Variants in OSBPL5 observed in about 807,000 individuals in gnomAD.
The protein encoded by OSBPL5 is oxysterol-binding protein-related protein 5.
OSBPL5 carries 71 observed loss-of-function variants against 111.2 expected under a neutral mutation model. The ratio of observed to expected loss-of-function variants is 0.64; its 90% CI spans 0.53 to 0.78. The LOEUF (loss-of-function observed/expected upper bound fraction) is 0.78. OSBPL5 is among the 30% of genes least tolerant of loss of function. The pLI, the probability that OSBPL5 is intolerant of heterozygous loss-of-function variation, is 0.00. For synonymous variants in OSBPL5, 549 were observed against 513.9 expected (o/e 1.07, Z -0.93); for missense variants, 1,210 against 1,189.3 (o/e 1.02, Z -0.26).
At chr11:3,101,771 C>T (rs7121251) in intron 12 of OSBPL5, 72 bp from the exon 13 acceptor site, 182,592 of 1,269,938 alleles carry the variant, frequency 0.14, 14,577 homozygotes, top group African/African-American at 0.29. Context: ...GCCCAGCTTC[C>T]CCCAAAAAAC....
At position 3,103,711 on chromosome 11, in the gene OSBPL5, C is replaced by T. The variant is rs1194184368; in HGVS notation, c.1245-391G>A. On this transcript the variant is annotated intron_variant, in intron 10 of 21. Coordinates refer to ENST00000263650, the MANE Select transcript of OSBPL5 (RefSeq NM_020896.4). ...AGCCCCCTTCCAGCCTGCGTACCCCCTTCCAGGCTCTGCTGCCCCTTCCTG... is the reference window on the plus strand; with the variant it reads ...AGCCCCCTTCCAGCCTGCGTACCCCTTTCCAGGCTCTGCTGCCCCTTCCTG... Among the ~76,000 whole-genome samples, 4 of 136,618 alleles carry T rather than the reference C, an allele frequency of 2.9e-5. 1 individual carries two copies. Among genetic ancestry groups the T allele is most frequent in the Admixed American group, 1.5e-4 (2 of 13,770 alleles). 89.6% of individuals were successfully genotyped at this position (136,618 alleles called of 152,430 possible).
At chr11:3,103,434 G>A in intron 10 of OSBPL5, 114 bp from the exon 11 acceptor site, 5 of 919,090 alleles carry the variant, frequency 5.4e-6, no homozygotes, top group Non-Finnish European at 8.2e-6. Context: ...CTGGAAACAG[G>A]CCACTTGGCC....
chr11:3,107,856 G>T lies in OSBPL5; in HGVS notation c.781C>A (p.Pro261Thr), dbSNP rs1327914472. 3.7e-6 allele frequency: 6 copies of T among 1,610,540 alleles called. No homozygotes were observed. The highest frequency in any genetic ancestry group is 4.2e-6 in the Non-Finnish European group (5 of 1,179,928). The change falls in exon 8 of 22, where the codon CCA becomes ACA. Residue 261 changes from proline to threonine, a missense_variant. Transcript: ENST00000263650. The surrounding 1 kb of genome is among the most constrained non-coding windows in gnomAD (Gnocchi z 6.1). ...GGTGATGCGTCTGGCGAGGTCCCTG[G>T]CTCCCCGTCTCGGCCCGGCTTGCAG... ...GTCKPGRDGE[P>T]GTSPDASPSS...
At chr11:3,129,325 G>A in intron 1 of OSBPL5, 156 bp from the exon 2 acceptor site, 1 of 648,410 alleles carries the variant, frequency 1.5e-6, no homozygotes, top group South Asian at 3.3e-5. Flanking sequence ...GGTGGTGGGT[G>A]GTCAGCCAGG....
At chr11:3,101,953 T>C (rs1310062742) in intron 12 of OSBPL5, among the ~76,000 whole-genome samples, 1 of 152,146 alleles carries the variant, frequency 6.6e-6, no homozygotes, top group Non-Finnish European at 1.5e-5. Flanking sequence ...GTCCTCTCCC[T>C]AGGGAGACAC....
At position 3,165,017 on chromosome 11, in the gene OSBPL5, G is replaced by T. The variant is rs1448399163; in HGVS notation, c.-22+199C>A. 6.7e-6 allele frequency among the ~76,000 whole-genome samples: 1 copy of T among 150,310 alleles called. No individual in the cohort carries two copies. Among genetic ancestry groups the T allele is most frequent in the African/African-American group, 2.4e-5 (1 of 40,934 alleles). On this transcript the variant is annotated intron_variant, in intron 1 of 21. Coordinates refer to ENST00000263650, the MANE Select transcript of OSBPL5 (RefSeq NM_020896.4). The surrounding 1 kb of genome is among the most constrained non-coding windows in gnomAD (Gnocchi z 7.4). ...CCCGCGCTCCCCAGCTCCCCAGCGC[G>T]CGACCGGCCCCGCGGCGTGGTTCCC...
Position 3,092,292 on chromosome 11 carries a change from A to G in OSBPL5, c.2259+140T>C, listed in dbSNP as rs1857086498. 4.1e-6 allele frequency: 5 copies of G among 1,211,944 alleles called. No individual in the cohort carries two copies. The highest frequency in any genetic ancestry group is 5.5e-6 in the Non-Finnish European group (5 of 903,288). 75.1% of individuals were successfully genotyped at this position (1,211,944 alleles called of 1,614,324 possible). ...GAGTCCCATGCTCGGCAGAGAAGGA[A>G]AGGGGACGAGGGGGCTGGGGGATGA... On this transcript the variant is annotated intron_variant, in intron 19 of 21. Transcript: ENST00000263650. The surrounding 1 kb of genome is among the most constrained non-coding windows in gnomAD (Gnocchi z 5.4).
At position 3,088,277 on chromosome 11, in the gene OSBPL5, C is replaced by CT; in HGVS notation, c.2567dup (p.Ser857GlufsTer19). The CT allele has an allele frequency of 6.2e-7, 1 of 1,608,830 alleles. No homozygotes were observed. The highest frequency in any genetic ancestry group is 8.5e-7 in the Non-Finnish European group (1 of 1,177,840). ...AGAGCAGGAACCAGGATCGGGGGCT[C>CT]TGCAGGAGGCCTGGGGTCGGTGCCT... On this transcript the variant is annotated frameshift_variant, in exon 22 of 22. Coordinates refer to ENST00000263650, the MANE Select transcript of OSBPL5 (RefSeq NM_020896.4). LOFTEE classifies it high-confidence loss of function.
Position 3,128,881 on chromosome 11 carries a change from A to G in OSBPL5, c.136+132T>C, listed in dbSNP as rs545932930. On this transcript the variant is annotated intron_variant, in intron 2 of 21. Transcript: ENST00000263650. ...ACTCTACCAAGCTACAAACCGTTTG[A>G]TCATGAAACCCACACAGTCCCCAGC... is the stretch of plus-strand genomic sequence containing the variant. 1.8e-3 allele frequency: 1,593 copies of G among 876,948 alleles called. 2 individuals are homozygous for G. Among genetic ancestry groups the G allele is most frequent in the Non-Finnish European group, 2.2e-3 (1,392 of 646,386 alleles). 54.3% of individuals were successfully genotyped at this position (876,948 alleles called of 1,614,324 possible). A position where few individuals can be genotyped will look rare whatever the true frequency, so the allele number is the denominator to read the frequency against.
chr11:3,156,732 G>A (rs1021554003), intron 1 of OSBPL5, among the ~76,000 whole-genome samples: 2 of 152,232 alleles, frequency 1.3e-5, no homozygotes, highest in African/African-American at 4.8e-5. Context: ...CGATATAGGC[G>A]TGATAGGAGG....
rs1297142565 is a variant in OSBPL5 at position 3,161,939 on chromosome 11, G to A, written c.-22+3277C>T. ...AAAGGCCCTGGAGTAAGAAGCCGGG[G>A]CTGACGCCAGACCCCTGTGAGCAAG... On this transcript the variant is annotated intron_variant, in intron 1 of 21. Transcript: ENST00000263650. The surrounding 1 kb of genome is among the most constrained non-coding windows in gnomAD (Gnocchi z 8.0). 6.6e-6 allele frequency among the ~76,000 whole-genome samples: 1 copy of A among 151,756 alleles called. No homozygotes were observed. Among genetic ancestry groups the A allele is most frequent in the Non-Finnish European group, 1.5e-5 (1 of 67,944 alleles).
rs187582201 is a variant in OSBPL5, at chr11:3,090,736, C to T, written c.2260-40G>A. 595 of 1,573,824 alleles carry T rather than the reference C, an allele frequency of 3.8e-4. 4 individuals carry two copies. The African/African-American group carries it at 6.2e-3, about 16-fold the overall frequency. On this transcript the variant is annotated intron_variant, in intron 19 of 21. Transcript: ENST00000263650. The stretch of plus-strand genomic sequence containing the variant: ...AGCTGCTGCAGCTGAAAGCCACCCA[C>T]GCCCCCTGCCCAGGCCCCAGGGACA...
chr11:3,102,363 G>T, intron 11 of OSBPL5, 82 bp from the exon 12 acceptor site: 1 of 1,334,672 alleles, frequency 7.5e-7, no homozygotes, highest in Non-Finnish European at 1.1e-6. Context: ...GTGGACGGAG[G>T]GGCAGCGTGG....
chr11:3,087,107 T>C lies in OSBPL5; in HGVS notation c.*1098A>G, dbSNP rs983897368. On this transcript the variant is annotated 3_prime_UTR_variant, in exon 22 of 22. Coordinates refer to ENST00000263650, the MANE Select transcript of OSBPL5 (RefSeq NM_020896.4). ...GAAGCCCTCCTCTCGTTTCCAGAAG[T>C]CCCGCAAGAAGAGAACACGTATGTG... 1 of 152,240 alleles carries C rather than the reference T, an allele frequency of 6.6e-6. No individual in the cohort carries two copies. The highest frequency in any genetic ancestry group is 1.5e-5 in the Non-Finnish European group (1 of 68,084). 9.4% of individuals were successfully genotyped at this position (152,240 alleles called of 1,614,324 possible). A position where few individuals can be genotyped will look rare whatever the true frequency, so the allele number is the denominator to read the frequency against.
At chr11:3,102,118 G>A in intron 12 of OSBPL5, 65 bp downstream of exon 12, 19 of 1,156,630 alleles carry the variant, frequency 1.6e-5, no homozygotes, top group Admixed American at 8.3e-5. Context: ...CCAGGGCCCC[G>A]CCCCCACAGA....
chr11:3,151,986 T>G (rs1243518866), intron 1 of OSBPL5, among the ~76,000 whole-genome samples: 1 of 152,258 alleles, frequency 6.6e-6, no homozygotes, highest in East Asian at 1.9e-4. Context: ...CACCGAGGCT[T>G]CTGGTGACAC....
chr11:3,122,734 A>T (rs1488330004), intron 3 of OSBPL5, among the ~76,000 whole-genome samples: 1 of 152,192 alleles, frequency 6.6e-6, no homozygotes, highest in African/African-American at 2.4e-5. Flanking sequence ...ATGTGGGGAC[A>T]TCAGGGTTCA....
At chr11:3,091,322 G>A (rs1440514332) in intron 19 of OSBPL5, among the ~76,000 whole-genome samples, 1 of 152,252 alleles carries the variant, frequency 6.6e-6, no homozygotes, top group African/African-American at 2.4e-5. Context: ...GGCGTTTGGG[G>A]CCAGAGAGGT....
chr11:3,151,122 C>T (rs1052866596), intron 1 of OSBPL5, among the ~76,000 whole-genome samples: 59 of 152,184 alleles, frequency 3.9e-4, no homozygotes, highest in African/African-American at 1.4e-3. Flanking sequence ...AAGACAGAGG[C>T]GGAGATCGGA....
Sources: allele counts gnomAD v4.1 joint callset (sites outside exome capture counted in the v4.1 genomes callset), GRCh38; gene constraint gnomAD v4.1.1; non-coding constraint Gnocchi (gnomAD v3.1); transcripts MANE v1.5; gene names NCBI Gene and HGNC (gene_info 2026-07-23, HGNC 2026-07-21).